Variants in PARD3B observed in about 807,000 individuals in gnomAD.
PARD3B encodes the protein par-3 family cell polarity regulator beta.
In PARD3B, 103 loss-of-function variants were observed where a neutral mutation model predicts 130.2. The ratio of observed to expected loss-of-function variants is 0.79; its 90% CI spans 0.67 to 0.93. The LOEUF is 0.93. PARD3B is among the 40% of genes least tolerant of loss of function. The pLI, the probability that PARD3B is intolerant of heterozygous loss-of-function variation, is 0.00. For missense variants in PARD3B, 1,609 were observed against 1,499.2 expected (o/e 1.07, Z -1.21); for synonymous variants, 583 against 553.2 (o/e 1.05, Z -0.76).
chr2:204,746,385 T>C (rs2040230008), intron 2 of PARD3B, among the ~76,000 whole-genome samples: 1 of 152,024 alleles, frequency 6.6e-6, no homozygotes, highest in Admixed American at 6.6e-5. Context: ...CTATCACTGA[T>C]GGACATTTGG....
chr2:205,185,263 T>C (rs2036030604), intron 13 of PARD3B, among the ~76,000 whole-genome samples: 1 of 101,316 alleles, frequency 9.9e-6, no homozygotes, highest in Non-Finnish European at 2.0e-5. Context: ...TTTGTGTGTT[T>C]GTGTGTGTGT....
At chr2:205,490,198 C>T (rs1030004245) in intron 20 of PARD3B, among the ~76,000 whole-genome samples, 4 of 151,918 alleles carry the variant, frequency 2.6e-5, no homozygotes, top group Non-Finnish European at 5.9e-5. Context: ...GTGCCATGTT[C>T]GTGTGCTGCA....
chr2:205,507,061 G>A (rs947953548), intron 21 of PARD3B, among the ~76,000 whole-genome samples: 1 of 152,070 alleles, frequency 6.6e-6, no homozygotes, highest in Non-Finnish European at 1.5e-5. Context: ...CAACTCTGAA[G>A]GAGGAGATAG....
intron 3 of PARD3B, among the ~76,000 whole-genome samples, chr2:205,031,278 T>C (rs2125361367): frequency 6.6e-6 from 1 of 152,270 alleles, no homozygotes; most frequent in South Asian, 2.1e-4. Context: ...ATGGATAGCA[T>C]AGAATGAGAT....
At position 205,405,234 on chromosome 2, in the gene PARD3B, A is replaced by G. The variant is rs540695027; in HGVS notation, c.2741+4111A>G. ...AGTTTTACCACAAGGGCATTTGGCT[A>G]TGTCTGGAGATATTTTTGATTGTCA... On this transcript the variant is annotated intron_variant, in intron 19 of 22. Coordinates refer to ENST00000406610, the MANE Select transcript of PARD3B (RefSeq NM_001302769.2). The surrounding 1 kb of genome is among the most constrained non-coding windows in gnomAD (Gnocchi z 4.1). Among the ~76,000 whole-genome samples, 3 of 152,274 alleles carry G rather than the reference A, an allele frequency of 2.0e-5. No individual in the cohort carries two copies. The East Asian group carries it at 5.8e-4, about 29-fold the overall frequency.
At chr2:205,212,938 A>T (rs577675770) in intron 15 of PARD3B, among the ~76,000 whole-genome samples, 10 of 152,152 alleles carry the variant, frequency 6.6e-5, no homozygotes, top group Admixed American at 1.3e-4. Context: ...GTTTTTTTGC[A>T]CAGCAATTCC....
intron 20 of PARD3B, among the ~76,000 whole-genome samples, chr2:205,498,667 C>G (rs930170987): frequency 6.6e-6 from 1 of 152,212 alleles, no homozygotes; most frequent in African/African-American, 2.4e-5. Context: ...TTGCATGTCT[C>G]TAAAGCAAGA....
chr2:204,979,851 AT>A (rs1559321796), intron 3 of PARD3B, among the ~76,000 whole-genome samples: 2 of 152,232 alleles, frequency 1.3e-5, no homozygotes, highest in East Asian at 3.8e-4. Context: ...CAGATTATAG[AT>A]CTAAAGGTAA....
At chr2:204,621,207 A>T (rs2125128147) in intron 1 of PARD3B, among the ~76,000 whole-genome samples, 1 of 152,330 alleles carries the variant, frequency 6.6e-6, no homozygotes, top group Middle Eastern at 3.4e-3. Flanking sequence ...AAAAAACTGA[A>T]AGCTGTAGGA....
intron 10 of PARD3B, among the ~76,000 whole-genome samples, chr2:205,156,354 T>C (rs1238193519): frequency 2.0e-5 from 3 of 151,610 alleles, no homozygotes; most frequent in Non-Finnish European, 4.4e-5. Context: ...ATGGCACATG[T>C]ATACATATGT....
intron 18 of PARD3B, among the ~76,000 whole-genome samples, chr2:205,357,777 A>G (rs1365409785): frequency 1.3e-5 from 2 of 152,240 alleles, no homozygotes; most frequent in Non-Finnish European, 2.9e-5. Context: ...GAGAAAGACT[A>G]TGGCTTAATG....
intron 2 of PARD3B, among the ~76,000 whole-genome samples, chr2:204,717,095 A>G (rs2038768342): frequency 6.6e-6 from 1 of 152,126 alleles, no homozygotes; most frequent in South Asian, 2.1e-4. Context: ...TCATTCCCTT[A>G]ATTATCGCAG....
intron 18 of PARD3B, among the ~76,000 whole-genome samples, chr2:205,394,227 T>TG (rs569271863): frequency 3.7e-4 from 56 of 152,258 alleles, no homozygotes; most frequent in African/African-American, 1.3e-3. Context: ...GAGGTCTGTG[T>TG]GGGGGGTTTT....
At chr2:204,987,739 G>A (rs995941976) in intron 3 of PARD3B, among the ~76,000 whole-genome samples, 2 of 151,822 alleles carry the variant, frequency 1.3e-5, no homozygotes, top group Non-Finnish European at 2.9e-5. Context: ...TTTCAAGTTG[G>A]GATCTTAATC....
chr2:204,949,248 G>GT (rs1181617990), intron 2 of PARD3B, among the ~76,000 whole-genome samples: 1 of 152,022 alleles, frequency 6.6e-6, no homozygotes, highest in Non-Finnish European at 1.5e-5. Context: ...GTTCTAATTG[G>GT]TATCTTTTTT....
intron 18 of PARD3B, among the ~76,000 whole-genome samples, chr2:205,381,339 G>C (rs2045440273): frequency 6.7e-6 from 1 of 149,360 alleles, no homozygotes; most frequent in Admixed American, 6.9e-5. Context: ...AATGACAACT[G>C]CTGCTCATAT....
At chr2:204,685,571 T>G in intron 1 of PARD3B, among the ~76,000 whole-genome samples, 1 of 152,186 alleles carries the variant, frequency 6.6e-6, no homozygotes, top group East Asian at 1.9e-4. Context: ...GAATTCCCCA[T>G]TCAACTCTGA....
rs528329625 is a variant in PARD3B at position 204,783,303 on chromosome 2, T to A, written c.222+97021T>A. On this transcript the variant is annotated intron_variant, in intron 2 of 22. Coordinates refer to ENST00000406610, the MANE Select transcript of PARD3B (RefSeq NM_001302769.2). ...TGTTGGTAATGCTTCTTTTTCTGAC[T>A]TGTAGACAGCAGTCATCTTGCTGTG... Among the ~76,000 whole-genome samples the A allele has an allele frequency of 2.0e-5, 3 of 152,168 alleles. No individual in the cohort carries two copies. The South Asian group carries it at 6.2e-4, about 31-fold the overall frequency.
At chr2:205,070,478 C>G (rs1053416695) in intron 4 of PARD3B, among the ~76,000 whole-genome samples, 2 of 151,994 alleles carry the variant, frequency 1.3e-5, no homozygotes, top group Non-Finnish European at 2.9e-5. Context: ...GGTCATTTTG[C>G]ATGAATTTAA....
Sources: gnomAD v4.1 joint callset for allele counts (sites outside exome capture counted in the v4.1 genomes callset) on GRCh38, gnomAD v4.1.1 for gene constraint, Gnocchi (gnomAD v3.1) non-coding constraint, MANE v1.5 for transcripts, NCBI Gene and HGNC (gene_info 2026-07-23, HGNC 2026-07-21) for gene names.